EHBP1: variants seen among roughly 807,000 people sequenced by gnomAD.
EHBP1 encodes the protein EH domain binding protein 1.
In EHBP1, 55 loss-of-function variants were observed where a neutral mutation model predicts 144.0. The ratio of observed to expected loss-of-function variants is 0.38; its 90% CI spans 0.31 to 0.48. The LOEUF (loss-of-function observed/expected upper bound fraction) is 0.48, where lower values mean the gene tolerates loss of function less well. EHBP1 is among the 20% of genes least tolerant of loss of function. The probability of loss-of-function intolerance (pLI) is 0.98; values close to 1 mark genes in which losing one functional copy is unlikely to be tolerated. For synonymous variants in EHBP1, 469 were observed against 472.7 expected (o/e 0.99, Z 0.10); for missense variants, 1,200 against 1,364.2 (o/e 0.88, Z 1.90).
chr2:62,742,887 A>G (rs1035640784), intron 2 of EHBP1, among the ~76,000 whole-genome samples: 3 of 152,024 alleles, frequency 2.0e-5, no homozygotes, highest in South Asian at 2.1e-4. Context: ...ATTTGTATGT[A>G]TTTATTTATT....
intron 5 of EHBP1, among the ~76,000 whole-genome samples, chr2:62,791,103 C>G (rs146446961): frequency 6.6e-5 from 10 of 152,036 alleles, no homozygotes; most frequent in African/African-American, 2.4e-4. Flanking sequence ...TGGTAACTAG[C>G]CCAAAGTCAT....
chr2:62,992,557 A>C (rs1216274667), intron 16 of EHBP1, among the ~76,000 whole-genome samples: 1 of 152,196 alleles, frequency 6.6e-6, no homozygotes, highest in Non-Finnish European at 1.5e-5. Context: ...TATAGAGTCC[A>C]TCTGTTCTCT....
At chr2:62,884,856 T>G (rs1455488180) in intron 10 of EHBP1, among the ~76,000 whole-genome samples, 2 of 152,316 alleles carry the variant, frequency 1.3e-5, no homozygotes, top group Non-Finnish European at 2.9e-5. Context: ...TTACTACATT[T>G]AGTATACGAT....
In EHBP1 at chr2:62,993,608, G is replaced by T; in HGVS notation, c.2812G>T (p.Asp938Tyr). 6.2e-7 allele frequency: 1 copy of T among 1,609,940 alleles called. No individual in the cohort carries two copies. The highest frequency in any genetic ancestry group is 1.3e-5 in the African/African-American group (1 of 74,888). Residue 938 changes from aspartate (D) to tyrosine (Y), a missense_variant, in exon 17 of 23, where the codon GAT becomes TAT. By Grantham distance (160) the Asp-to-Tyr change is radical. Coordinates refer to ENST00000431489, the MANE Select transcript of EHBP1 (RefSeq NM_001142616.3). The stretch of plus-strand genomic sequence containing the variant: ...TAGAAATCCTGTTGTGTTCAGCAAA[G>T]ATTCTACAGTCAGAAAAACTCAACT... ...RFRNPVVFSK[D>Y]STVRKTQLQS... is the part of the protein sequence containing the mutation.
intron 1 of EHBP1, chr2:62,674,194 G>A (rs1449919192): frequency 2.2e-6 from 1 of 464,602 alleles, no homozygotes; most frequent in African/African-American, 2.0e-5. Context: ...AGATTTTCAT[G>A]TGTGTGTATG....
intron 14 of EHBP1, among the ~76,000 whole-genome samples, chr2:62,961,963 C>A (rs1435400109): frequency 6.6e-6 from 1 of 151,426 alleles, no homozygotes; most frequent in Non-Finnish European, 1.5e-5. Context: ...GGGAGGCGAA[C>A]GTTGCAATGA....
intron 9 of EHBP1, among the ~76,000 whole-genome samples, chr2:62,869,902 A>G (rs993213600): frequency 5.9e-5 from 9 of 152,210 alleles, no homozygotes; most frequent in African/African-American, 2.2e-4. Flanking sequence ...CTTTAGGTCT[A>G]TTTGATGTAA....
chr2:62,859,380 A>T, intron 8 of EHBP1, 89 bp downstream of exon 8: 1 of 1,251,584 alleles, frequency 8.0e-7, no homozygotes, highest in African/African-American at 1.5e-5. Context: ...TCAGAGACTA[A>T]CACACAAAAA....
intron 5 of EHBP1, among the ~76,000 whole-genome samples, chr2:62,785,412 G>A (rs1160303712): frequency 6.6e-6 from 1 of 152,130 alleles, no homozygotes; most frequent in Non-Finnish European, 1.5e-5. Context: ...GAGAAGAGGC[G>A]AAAAAGATTC....
chr2:62,894,662 A>G (rs888088797), intron 10 of EHBP1, among the ~76,000 whole-genome samples: 1 of 152,188 alleles, frequency 6.6e-6, no homozygotes, highest in African/African-American at 2.4e-5. Context: ...TGAATATTTT[A>G]TATATGATTG....
intron 19 of EHBP1, among the ~76,000 whole-genome samples, chr2:63,021,248 C>G (rs2060736012): frequency 6.6e-6 from 1 of 152,076 alleles, no homozygotes; most frequent in East Asian, 1.9e-4. Context: ...CTGTCTCTCC[C>G]CCAGCCCCCC....
At chr2:62,938,472 G>T (rs914640141) in intron 10 of EHBP1, among the ~76,000 whole-genome samples, 3 of 152,148 alleles carry the variant, frequency 2.0e-5, no homozygotes, top group African/African-American at 4.8e-5. Context: ...AAGAAAATTT[G>T]CAAGTTATTT....
At chr2:62,956,639 G>A (rs2057711807) in intron 14 of EHBP1, among the ~76,000 whole-genome samples, 2 of 150,302 alleles carry the variant, frequency 1.3e-5, no homozygotes, top group African/African-American at 4.9e-5. Flanking sequence ...CTTGAGCCCA[G>A]GAGTCTGAGA....
At chr2:63,005,458 A>T (rs2060000334) in intron 19 of EHBP1, among the ~76,000 whole-genome samples, 1 of 152,108 alleles carries the variant, frequency 6.6e-6, no homozygotes. Flanking sequence ...GAGTTCTCTC[A>T]GGGTCAGAAT....
At chr2:62,778,199 G>A (rs913920448) in intron 5 of EHBP1, among the ~76,000 whole-genome samples, 2 of 151,952 alleles carry the variant, frequency 1.3e-5, no homozygotes, top group Non-Finnish European at 2.9e-5. Context: ...TGTTACCTCC[G>A]GAAGACTTTT....
Position 62,801,489 on chromosome 2 carries a change from G to C in EHBP1, c.313-24598G>C, listed in dbSNP as rs894288838. Among the ~76,000 whole-genome samples, 34 of 152,118 alleles carry C rather than the reference G, an allele frequency of 2.2e-4. 1 individual carries two copies. The highest frequency in any genetic ancestry group is 2.0e-3 in the Admixed American group (30 of 15,268). On this transcript the variant is annotated intron_variant, in intron 5 of 22. Transcript: ENST00000431489. ...ATAATGTAATACATCCCTTCTTTCA[G>C]GTGGTTATGTGTTTAAATTTTTTTC... is the stretch of plus-strand genomic sequence containing the variant.
At chr2:63,020,512 A>G (rs952703056) in intron 19 of EHBP1, among the ~76,000 whole-genome samples, 8 of 150,070 alleles carry the variant, frequency 5.3e-5, no homozygotes, top group Non-Finnish European at 1.2e-4. Context: ...CAAAAAAAAA[A>G]AAGAAAGAAA....
intron 1 of EHBP1, among the ~76,000 whole-genome samples, chr2:62,678,677 T>A (rs1400943396): frequency 6.6e-6 from 1 of 152,116 alleles, no homozygotes; most frequent in Non-Finnish European, 1.5e-5. Context: ...ATTTTAAAAA[T>A]TTCTCAACAT....
intron 5 of EHBP1, among the ~76,000 whole-genome samples, chr2:62,806,784 T>C (rs1189464501): frequency 2.0e-5 from 3 of 152,158 alleles, no homozygotes; most frequent in African/African-American, 7.2e-5. Context: ...GTTTGCAGTC[T>C]ACAGCTAATC....
Sources: gnomAD v4.1 joint callset for allele counts (sites outside exome capture counted in the v4.1 genomes callset) on GRCh38, gnomAD v4.1.1 for gene constraint, MANE v1.5 for transcripts, NCBI Gene and HGNC (gene_info 2026-07-23, HGNC 2026-07-21) for gene names.